The following OXR1 variants were observed in gnomAD, a reference collection of about 807,000 sequenced individuals.
The protein encoded by OXR1 is oxidation resistance protein 1.
OXR1 carries 41 observed loss-of-function variants against 104.6 expected under a neutral mutation model. The ratio of observed to expected loss-of-function variants is 0.39; its 90% CI spans 0.31 to 0.51. The LOEUF (loss-of-function observed/expected upper bound fraction) is 0.51. OXR1 is among the 20% of genes least tolerant of loss of function. The probability of loss-of-function intolerance (pLI) is 0.77; values close to 1 mark genes in which losing one functional copy is unlikely to be tolerated. For missense variants in OXR1, 955 were observed against 1,031.9 expected, an observed-to-expected ratio of 0.93 and a Z score of 1.02; for synonymous variants, 348 against 348.4, an observed-to-expected ratio of 1.00 and a Z score of 0.01.
intron 14 of OXR1, 96 bp from the exon 15 acceptor site, chr8:106,742,126 T>C (rs1834970127): frequency 5.4e-6 from 4 of 737,806 alleles, no homozygotes; most frequent in Non-Finnish European, 7.0e-6. Flanking sequence ...ACCAGATTTC[T>C]ATTTTTTGCA....
At chr8:106,471,015 A>G (rs1821461846) in intron 2 of OXR1, among the ~76,000 whole-genome samples, 1 of 151,720 alleles carries the variant, frequency 6.6e-6, no homozygotes, top group Non-Finnish European at 1.5e-5. Flanking sequence ...AGAGAATGAA[A>G]GAGAATTAGA....
intron 3 of OXR1, among the ~76,000 whole-genome samples, chr8:106,575,047 AT>A (rs1373912370): frequency 6.6e-6 from 1 of 152,188 alleles, no homozygotes; most frequent in African/African-American, 2.4e-5. Flanking sequence ...AATAATATAC[AT>A]TTTTCTCACA....
rs141757640 is a variant in OXR1, at chr8:106,581,425, G to T, written c.220+62286G>T. Among the ~76,000 whole-genome samples the T allele has an allele frequency of 1.8e-3, 271 of 151,956 alleles. 1 individual carries two copies. Among genetic ancestry groups the T allele is most frequent in the African/African-American group, 6.2e-3 (255 of 41,456 alleles). On this transcript the variant is annotated intron_variant, in intron 3 of 16. Coordinates refer to ENST00000517566, the MANE Select transcript of OXR1 (RefSeq NM_001198533.2). Reference sequence around the variant, plus strand: ...ATATTTGTTTAGTGGCCCTTTTATGGAGTATTAGAAATTGCCAACTTTTGA... The same window carrying T: ...ATATTTGTTTAGTGGCCCTTTTATGTAGTATTAGAAATTGCCAACTTTTGA...
intron 3 of OXR1, among the ~76,000 whole-genome samples, chr8:106,670,938 G>A (rs1826882177): frequency 6.6e-6 from 1 of 150,866 alleles, no homozygotes; most frequent in Admixed American, 6.6e-5. Flanking sequence ...CCAGCTATTT[G>A]GGAGGCTGAG....
chr8:106,323,337 A>T (rs1166406097), intron 1 of OXR1, among the ~76,000 whole-genome samples: 1 of 152,128 alleles, frequency 6.6e-6, no homozygotes, highest in African/African-American at 2.4e-5. Flanking sequence ...AGGCATATGC[A>T]GAAGATTCTT....
chr8:106,439,474 T>C (rs891322000), intron 2 of OXR1, among the ~76,000 whole-genome samples: 2 of 152,064 alleles, frequency 1.3e-5, no homozygotes, highest in East Asian at 1.9e-4. Context: ...AATAAAACAG[T>C]TGTTTTAGTT....
At chr8:106,322,859 C>A (rs1814284220) in intron 1 of OXR1, among the ~76,000 whole-genome samples, 1 of 151,992 alleles carries the variant, frequency 6.6e-6, no homozygotes, top group Non-Finnish European at 1.5e-5. Flanking sequence ...AGGAGAATTA[C>A]AAAACACTCC....
chr8:106,552,905 C>T (rs1333933024), intron 3 of OXR1, among the ~76,000 whole-genome samples: 1 of 152,094 alleles, frequency 6.6e-6, no homozygotes, highest in Non-Finnish European at 1.5e-5. Flanking sequence ...TCATAGTGGT[C>T]GATGATTTCA....
At chr8:106,592,748 A>G (rs1819195398) in intron 3 of OXR1, among the ~76,000 whole-genome samples, 1 of 152,176 alleles carries the variant, frequency 6.6e-6, no homozygotes, top group African/African-American at 2.4e-5. Flanking sequence ...AGGTCATGGT[A>G]GGGAGCTTGG....
intron 1 of OXR1, among the ~76,000 whole-genome samples, chr8:106,313,578 C>T (rs1470553617): frequency 1.3e-5 from 2 of 152,072 alleles, no homozygotes; most frequent in African/African-American, 4.8e-5. Context: ...CAATTCATTG[C>T]ATGATACACC....
chr8:106,603,736 C>G (rs1172711113), intron 3 of OXR1, among the ~76,000 whole-genome samples: 1 of 152,088 alleles, frequency 6.6e-6, no homozygotes, highest in Non-Finnish European at 1.5e-5. Flanking sequence ...TCTTAGAAAG[C>G]AAGTCTGTAA....
At chr8:106,660,877 G>A (rs1825693442) in intron 3 of OXR1, among the ~76,000 whole-genome samples, 1 of 152,248 alleles carries the variant, frequency 6.6e-6, no homozygotes, top group Non-Finnish European at 1.5e-5. Context: ...GCTGGGCGTG[G>A]TGGTGCGTGC....
At chr8:106,570,401 T>C (rs570270659) in intron 3 of OXR1, among the ~76,000 whole-genome samples, 31 of 152,336 alleles carry the variant, frequency 2.0e-4, no homozygotes, top group African/African-American at 7.0e-4. Flanking sequence ...GATTTCACTT[T>C]TTATGAAGTA....
chr8:106,555,837 A>G (rs1393306838), intron 3 of OXR1, among the ~76,000 whole-genome samples: 1 of 150,538 alleles, frequency 6.6e-6, no homozygotes, highest in Non-Finnish European at 1.5e-5. Flanking sequence ...CAGACAAATT[A>G]TAGTGTGTGT....
intron 3 of OXR1, chr8:106,657,639 C>T (rs374423776): frequency 6.8e-4 from 121 of 178,586 alleles, no homozygotes; most frequent in African/African-American, 2.7e-3. Flanking sequence ...GCTGAGAGGA[C>T]CCGTCCAGCT....
At chr8:106,281,456 C>G (rs776460081) in intron 1 of OXR1, among the ~76,000 whole-genome samples, 10 of 152,102 alleles carry the variant, frequency 6.6e-5, no homozygotes, top group Admixed American at 1.3e-4. Flanking sequence ...GGGACAGGAG[C>G]CATGAAAGTT....
In OXR1 at chr8:106,473,816, C is replaced by T. The variant is rs116369234; in HGVS notation, c.24-45127C>T. On this transcript the variant is annotated intron_variant, in intron 2 of 16. Transcript: ENST00000517566. ...CAGTACTCTTAAGAAAAATCAGATACGGAGCCTCATTTTCTTTCATATTCT... is the reference window on the plus strand; with the variant it reads ...CAGTACTCTTAAGAAAAATCAGATATGGAGCCTCATTTTCTTTCATATTCT... Among the ~76,000 whole-genome samples the T allele has an allele frequency of 8.9e-3, 1,327 of 149,778 alleles. 24 individuals carry two copies. The highest frequency in any genetic ancestry group is 0.031 in the African/African-American group (1,256 of 41,072).
chr8:106,316,286 C>G lies in OXR1; in HGVS notation c.-138-43190C>G, dbSNP rs1478890256. Among the ~76,000 whole-genome samples the G allele has an allele frequency of 3.3e-5, 5 of 152,102 alleles. No homozygotes were observed. The East Asian group carries it at 9.6e-4, about 29-fold the overall frequency. ...CTTTTTCTCTGTCAAAATAGACAAA[C>G]CCAGGTTAATAAAAATAGCCAGGGA... On this transcript the variant is annotated intron_variant, in intron 1 of 16. Coordinates refer to ENST00000517566, the MANE Select transcript of OXR1 (RefSeq NM_001198533.2).
intron 2 of OXR1, among the ~76,000 whole-genome samples, chr8:106,383,244 G>A (rs1260057845): frequency 6.6e-6 from 1 of 152,090 alleles, no homozygotes; most frequent in Non-Finnish European, 1.5e-5. Flanking sequence ...TAGGTTTATA[G>A]CATTAAAGTT....
Sources: gnomAD v4.1 joint callset for allele counts (sites outside exome capture counted in the v4.1 genomes callset) on GRCh38, gnomAD v4.1.1 for gene constraint, MANE v1.5 for transcripts, NCBI Gene and HGNC (gene_info 2026-07-23, HGNC 2026-07-21) for gene names.